Variants in PYGO1 observed in about 807,000 individuals in gnomAD.
PYGO1 encodes the protein pygopus family PHD finger 1.
PYGO1 carries 6 observed loss-of-function variants against 29.5 expected under a neutral mutation model. The observed-to-expected ratio is 0.20, with a 90% CI of 0.11 to 0.40. PYGO1 has a LOEUF of 0.40. Among genes scored for constraint, PYGO1 ranks in the 10% least tolerant of loss-of-function variants. The pLI is 1.00. For synonymous variants in PYGO1, 186 were observed against 180.5 expected (o/e 1.03, Z -0.24); for missense variants, 515 against 514.9 (o/e 1.00, Z 0.00).
chr15:55,587,944 G>C lies in PYGO1; in HGVS notation c.-61C>G. The C allele has an allele frequency of 5.5e-6, 8 of 1,447,058 alleles. No homozygotes were observed. Among genetic ancestry groups the C allele is most frequent in the Non-Finnish European group, 7.3e-6 (8 of 1,096,186 alleles). The allele number at this position is 1,447,058 out of a possible 1,614,324, so 89.6% of individuals were successfully genotyped here. A position where few individuals can be genotyped will look rare whatever the true frequency, so the allele number is the denominator to read the frequency against. On this transcript the variant is annotated 5_prime_UTR_variant, in exon 1 of 3. Coordinates refer to ENST00000563719, the MANE Select transcript of PYGO1 (RefSeq NM_001367806.1). Reference sequence around the variant, plus strand: ...GGGAATTCGGTCTCTTTGATGCTGCGGCGGCGGCTCCTCCTCCTCGCGGGG... The same window carrying C: ...GGGAATTCGGTCTCTTTGATGCTGCCGCGGCGGCTCCTCCTCCTCGCGGGG...
intron 1 of PYGO1, among the ~76,000 whole-genome samples, chr15:55,552,361 C>CAAAAAAAAAAAAAAA (rs56789656): frequency 1.9e-5 from 1 of 53,016 alleles, no homozygotes; most frequent in Admixed American, 2.2e-4. Flanking sequence ...ACTCTGTCTC[C>CAAAAAAAAAAAAAAA]AAAAAAAAAA....
At chr15:55,554,257 G>T (rs2058893027) in intron 1 of PYGO1, among the ~76,000 whole-genome samples, 1 of 152,006 alleles carries the variant, frequency 6.6e-6, no homozygotes, top group South Asian at 2.1e-4. Flanking sequence ...GAGGTCAGGA[G>T]ATCGAGACCA....
In PYGO1 at chr15:55,539,875, G is replaced by C. The variant is rs2058821927; in HGVS notation, c.*6148C>G. The C allele has an allele frequency of 6.6e-6, 1 of 151,974 alleles. No homozygotes were observed. The highest frequency in any genetic ancestry group is 1.5e-5 in the Non-Finnish European group (1 of 67,904). The allele number at this position is 151,974 out of a possible 1,614,324, so 9.4% of individuals were successfully genotyped here. On this transcript the variant is annotated 3_prime_UTR_variant, in exon 3 of 3. Coordinates refer to ENST00000563719, the MANE Select transcript of PYGO1 (RefSeq NM_001367806.1). Reference sequence around the variant, plus strand: ...TTTTGTAATATACATCACTGACATAGTAAAACCTTATTAAGGATAATTTAA... The same window carrying C: ...TTTTGTAATATACATCACTGACATACTAAAACCTTATTAAGGATAATTTAA...
At chr15:55,570,034 A>C (rs1012527164) in intron 1 of PYGO1, among the ~76,000 whole-genome samples, 2 of 152,252 alleles carry the variant, frequency 1.3e-5, no homozygotes, top group East Asian at 3.9e-4. Flanking sequence ...AGGGCTTGGG[A>C]GAAACAAAGG....
intron 1 of PYGO1, among the ~76,000 whole-genome samples, chr15:55,556,535 T>C (rs1432245381): frequency 6.6e-6 from 1 of 151,988 alleles, no homozygotes; most frequent in Non-Finnish European, 1.5e-5. Flanking sequence ...AATGCCCACA[T>C]CAAAAAGCTC....
chr15:55,548,883 C>T, intron 2 of PYGO1, 27 bp downstream of exon 2: 2 of 1,596,556 alleles, frequency 1.3e-6, no homozygotes, highest in Non-Finnish European at 8.5e-7. Flanking sequence ...CAAAGAAAAA[C>T]TTTTATTAAA....
intron 1 of PYGO1, among the ~76,000 whole-genome samples, chr15:55,566,664 A>G (rs186738724): frequency 9.4e-4 from 143 of 152,326 alleles, no homozygotes; most frequent in Middle Eastern, 3.4e-3. Context: ...TGCTTTCCAC[A>G]GTGACTAATT....
chr15:55,570,332 G>C (rs2058975102), intron 1 of PYGO1, among the ~76,000 whole-genome samples: 1 of 151,920 alleles, frequency 6.6e-6, no homozygotes, highest in Admixed American at 6.6e-5. Flanking sequence ...TGCCATCTTG[G>C]GGAAAAAGAA....
chr15:55,551,093 T>C (rs1159423880), intron 1 of PYGO1, among the ~76,000 whole-genome samples: 1 of 152,172 alleles, frequency 6.6e-6, no homozygotes, highest in Non-Finnish European at 1.5e-5. Context: ...CAGGCAGTAA[T>C]GCTCGCTCAC....
At chr15:55,574,664 G>A (rs1220124344) in intron 1 of PYGO1, among the ~76,000 whole-genome samples, 2 of 151,354 alleles carry the variant, frequency 1.3e-5, no homozygotes, top group African/African-American at 4.9e-5. Flanking sequence ...GTGTGTGTGT[G>A]TGTGTGTGTA....
At chr15:55,552,861 A>G (rs1378226922) in intron 1 of PYGO1, among the ~76,000 whole-genome samples, 1 of 152,164 alleles carries the variant, frequency 6.6e-6, no homozygotes, top group African/African-American at 2.4e-5. Context: ...ATTCCCTAGG[A>G]AGGGTGCTGA....
At chr15:55,556,818 C>A (rs574822089) in intron 1 of PYGO1, among the ~76,000 whole-genome samples, 1 of 151,844 alleles carries the variant, frequency 6.6e-6, no homozygotes, top group Non-Finnish European at 1.5e-5. Context: ...CACCACTGAC[C>A]CCACAGAAAT....
At chr15:55,554,852 T>C (rs1295095193) in intron 1 of PYGO1, among the ~76,000 whole-genome samples, 1 of 152,114 alleles carries the variant, frequency 6.6e-6, no homozygotes, top group Non-Finnish European at 1.5e-5. Flanking sequence ...CTCCAAGGAA[T>C]ATGGAATTAT....
intron 1 of PYGO1, among the ~76,000 whole-genome samples, chr15:55,568,414 G>T (rs2058966578): frequency 6.8e-6 from 1 of 147,444 alleles, no homozygotes; most frequent in Admixed American, 6.8e-5. Flanking sequence ...TATATTACTG[G>T]TATATTGAAA....
chr15:55,565,906 C>G (rs2141663409), intron 1 of PYGO1, among the ~76,000 whole-genome samples: 1 of 152,174 alleles, frequency 6.6e-6, no homozygotes, highest in East Asian at 1.9e-4. Context: ...CTCAGTCTAC[C>G]AAGTAGCTGA....
At chr15:55,561,611 C>T (rs1383200642) in intron 1 of PYGO1, among the ~76,000 whole-genome samples, 1 of 152,190 alleles carries the variant, frequency 6.6e-6, no homozygotes, top group East Asian at 1.9e-4. Context: ...CCAGATTCCT[C>T]CCTTAATACC....
intron 1 of PYGO1, among the ~76,000 whole-genome samples, chr15:55,575,153 A>G (rs774980605): frequency 2.6e-5 from 4 of 152,212 alleles, no homozygotes; most frequent in Non-Finnish European, 4.4e-5. Context: ...GAAGTTTTAA[A>G]CTATGTATCA....
intron 1 of PYGO1, among the ~76,000 whole-genome samples, chr15:55,555,786 C>T (rs4774782): frequency 0.89 from 134,612 of 152,044 alleles, 59,693 homozygotes; most frequent in Admixed American, 0.92. Flanking sequence ...GAAAGACACA[C>T]CTCACAGGCA....
intron 1 of PYGO1, among the ~76,000 whole-genome samples, chr15:55,558,260 G>C (rs1003808224): frequency 3.3e-5 from 5 of 152,034 alleles, no homozygotes; most frequent in Admixed American, 3.3e-4. Context: ...TTGCTTCAAA[G>C]AGAATAAAAT....
Sources: allele counts gnomAD v4.1 joint callset (sites outside exome capture counted in the v4.1 genomes callset), GRCh38; gene constraint gnomAD v4.1.1; transcripts MANE v1.5; gene names NCBI Gene and HGNC (gene_info 2026-07-23, HGNC 2026-07-21).